The following NME7 variants were observed in gnomAD, a reference collection of about 807,000 sequenced individuals.
NME7 encodes the protein NME/NM23 family member 7, also known as nucleoside diphosphate kinase 7.
NME7 carries 41 observed loss-of-function variants against 49.1 expected under a neutral mutation model. That is an observed-to-expected ratio of 0.83 (90% CI 0.65 to 1.08). NME7 has a LOEUF of 1.08. NME7 is among the 50% of genes least tolerant of loss of function. The pLI, the probability that NME7 is intolerant of heterozygous loss-of-function variation, is 0.00. For synonymous variants in NME7, 139 were observed against 150.6 expected (o/e 0.92, Z 0.56); for missense variants, 423 against 463.4 (o/e 0.91, Z 0.80).
chr1:169,191,317 G>A (rs1320929731), intron 10 of NME7, among the ~76,000 whole-genome samples: 1 of 152,198 alleles, frequency 6.6e-6, no homozygotes, highest in African/African-American at 2.4e-5. Context: ...ATTAAAGCCT[G>A]AGGACTCAGA....
At chr1:169,317,368 A>G (rs1182720294) in intron 3 of NME7, among the ~76,000 whole-genome samples, 8 of 152,176 alleles carry the variant, frequency 5.3e-5, no homozygotes, top group Non-Finnish European at 8.8e-5. Flanking sequence ...AAAAATATCA[A>G]TTTCTCCCTG....
chr1:169,161,882 G>T (rs1659256550), intron 11 of NME7, among the ~76,000 whole-genome samples: 1 of 152,162 alleles, frequency 6.6e-6, no homozygotes, highest in Non-Finnish European at 1.5e-5. Flanking sequence ...GTGGTCCAGA[G>T]GTCACAAGAT....
intron 1 of NME7, among the ~76,000 whole-genome samples, chr1:169,344,290 G>A (rs1216404179): frequency 6.6e-6 from 1 of 152,026 alleles, no homozygotes; most frequent in Non-Finnish European, 1.5e-5. Context: ...ACTTTTTTGT[G>A]GAATCCTTAG....
rs752248221 is a variant in NME7 at position 169,287,294 on chromosome 1, T to G, written c.754+9A>C. On this transcript the variant is annotated intron_variant, in intron 7 of 11. Coordinates refer to ENST00000367811, the MANE Select transcript of NME7 (RefSeq NM_013330.5). ...ACAAAATGTACTGAATATAGTGTATTCAACATACCTTCACTGACAGCATGG... is the reference window on the plus strand; with the variant it reads ...ACAAAATGTACTGAATATAGTGTATGCAACATACCTTCACTGACAGCATGG... The G allele has an allele frequency of 3.1e-6, 5 of 1,592,136 alleles. No individual in the cohort carries two copies. Among genetic ancestry groups the G allele is most frequent in the Admixed American group, 1.7e-5 (1 of 59,678 alleles).
chr1:169,200,155 G>A (rs539691161), intron 10 of NME7, among the ~76,000 whole-genome samples: 6 of 152,060 alleles, frequency 3.9e-5, no homozygotes, highest in African/African-American at 1.4e-4. Flanking sequence ...GGGAAAAGGT[G>A]TAAAATAAGA....
At chr1:169,332,899 G>C (rs1652312411) in intron 1 of NME7, among the ~76,000 whole-genome samples, 1 of 152,148 alleles carries the variant, frequency 6.6e-6, no homozygotes, top group African/African-American at 2.4e-5. Context: ...AACCACTATG[G>C]AGAACAGTTT....
At chr1:169,253,359 T>C (rs577093276) in intron 7 of NME7, among the ~76,000 whole-genome samples, 1 of 151,200 alleles carries the variant, frequency 6.6e-6, no homozygotes, top group African/African-American at 2.4e-5. Flanking sequence ...TTTGGCTCTC[T>C]GTTTGTCTGT....
chr1:169,179,357 G>A (rs61806209), intron 10 of NME7, among the ~76,000 whole-genome samples: 56,376 of 152,028 alleles, frequency 0.37, 11,016 homozygotes, highest in East Asian at 0.73. Flanking sequence ...TACACTGTTG[G>A]TGGGAATGTA....
At chr1:169,318,333 A>G (rs1179864509) in intron 3 of NME7, among the ~76,000 whole-genome samples, 1 of 152,188 alleles carries the variant, frequency 6.6e-6, no homozygotes, top group Admixed American at 6.5e-5. Flanking sequence ...ATTTGGAGGG[A>G]AGAATGGAGA....
rs113345133 is a variant in NME7, at chr1:169,340,466, G to A, written c.4-15966C>T. Among the ~76,000 whole-genome samples the A allele has an allele frequency of 7.4e-3, 1,124 of 152,240 alleles. 10 individuals carry two copies. Among genetic ancestry groups the A allele is most frequent in the African/African-American group, 0.025 (1,058 of 41,524 alleles). ...TATTCTTTACAGCAGTGTGAAAATG[G>A]ACTAATTCAGAGAATTGGTACCAGC... On this transcript the variant is annotated intron_variant, in intron 1 of 11. Coordinates refer to ENST00000367811, the MANE Select transcript of NME7 (RefSeq NM_013330.5).
At chr1:169,206,094 C>G (rs919120157) in intron 10 of NME7, among the ~76,000 whole-genome samples, 8 of 152,120 alleles carry the variant, frequency 5.3e-5, no homozygotes, top group East Asian at 1.9e-4. Context: ...TCTGGAAAAC[C>G]CTATTTCCCT....
intron 11 of NME7, among the ~76,000 whole-genome samples, chr1:169,144,193 A>G (rs1658687657): frequency 6.6e-6 from 1 of 152,176 alleles, no homozygotes; most frequent in Non-Finnish European, 1.5e-5. Context: ...CCTGGGCAAC[A>G]TAGTGAGACT....
At chr1:169,352,686 G>C (rs1176566882) in intron 1 of NME7, among the ~76,000 whole-genome samples, 1 of 151,978 alleles carries the variant, frequency 6.6e-6, no homozygotes, top group Non-Finnish European at 1.5e-5. Flanking sequence ...TCCACCAAAA[G>C]ACTCTTAGAA....
At chr1:169,147,051 G>A (rs147606802) in intron 11 of NME7, among the ~76,000 whole-genome samples, 2 of 152,288 alleles carry the variant, frequency 1.3e-5, no homozygotes, top group African/African-American at 2.4e-5. Context: ...CCAGGGGCAC[G>A]TGACCTTCTC....
At chr1:169,287,751 A>G (rs1650335155) in intron 6 of NME7, among the ~76,000 whole-genome samples, 1 of 152,170 alleles carries the variant, frequency 6.6e-6, no homozygotes, top group Non-Finnish European at 1.5e-5. Context: ...TTAATTAGAC[A>G]CAAATTTAAT....
intron 2 of NME7, among the ~76,000 whole-genome samples, chr1:169,323,602 T>A (rs10800432): frequency 0.35 from 53,367 of 151,932 alleles, 10,492 homozygotes; most frequent in Non-Finnish European, 0.44. Context: ...ACACCCAAAT[T>A]TCTGCTTTCT....
intron 11 of NME7, among the ~76,000 whole-genome samples, chr1:169,136,723 C>T (rs1448875909): frequency 6.6e-6 from 1 of 152,320 alleles, no homozygotes; most frequent in Admixed American, 6.5e-5. Context: ...CTGTCTTTAT[C>T]ACCATTAAAT....
intron 10 of NME7, among the ~76,000 whole-genome samples, chr1:169,208,451 T>C (rs916851499): frequency 6.6e-6 from 1 of 152,142 alleles, no homozygotes; most frequent in Non-Finnish European, 1.5e-5. Flanking sequence ...CTCTGTAACA[T>C]GTCAGGAACC....
At position 169,276,000 on chromosome 1, in the gene NME7, G is replaced by A. The variant is rs1571346359; in HGVS notation, c.754+11303C>T. Among the ~76,000 whole-genome samples, 9 of 130,222 alleles carry A rather than the reference G, an allele frequency of 6.9e-5. 2 individuals carry two copies. The highest frequency in any genetic ancestry group is 3.8e-4 in the Admixed American group (5 of 13,192). 85.4% of individuals were successfully genotyped at this position (130,222 alleles called of 152,430 possible). A position where few individuals can be genotyped will look rare whatever the true frequency, so the allele number is the denominator to read the frequency against. Reference sequence around the variant, plus strand: ...TGCTGGATTACATTTATTGATTTGCGTATATTGAACCGGCCTTGCATCCCA... The same window carrying A: ...TGCTGGATTACATTTATTGATTTGCATATATTGAACCGGCCTTGCATCCCA... On this transcript the variant is annotated intron_variant, in intron 7 of 11. Coordinates refer to ENST00000367811, the MANE Select transcript of NME7 (RefSeq NM_013330.5).
Sources: allele counts gnomAD v4.1 joint callset (sites outside exome capture counted in the v4.1 genomes callset), GRCh38; gene constraint gnomAD v4.1.1; transcripts MANE v1.5; gene names NCBI Gene and HGNC (gene_info 2026-07-23, HGNC 2026-07-21).